The following TNRC6C variants were observed in gnomAD, a reference collection of about 807,000 sequenced individuals.
TNRC6C encodes trinucleotide repeat-containing gene 6C protein.
A neutral mutation model predicts 153.7 loss-of-function variants in TNRC6C; 20 were observed. The ratio of observed to expected loss-of-function variants is 0.13; its 90% confidence interval spans 0.09 to 0.19. TNRC6C has a LOEUF of 0.19. Ranked by LOEUF, TNRC6C falls within the 10% of genes least tolerant of loss-of-function variation. The pLI is 1.00. For synonymous variants in TNRC6C, 811 were observed against 841.4 expected (o/e 0.96, Z 0.63); for missense variants, 1,987 against 2,172.0 (o/e 0.91, Z 1.69).
At chr17:78,069,037 A>G (rs1463166528) in intron 5 of TNRC6C, among the ~76,000 whole-genome samples, 5 of 152,210 alleles carry the variant, frequency 3.3e-5, no homozygotes, top group Non-Finnish European at 7.3e-5. Context: ...ACCAAAATCT[A>G]AAAGCCATAA....
chr17:78,065,194 AT>A (rs2072849963), intron 4 of TNRC6C, among the ~76,000 whole-genome samples: 1 of 151,958 alleles, frequency 6.6e-6, no homozygotes, highest in Admixed American at 6.6e-5. Context: ...ACAAAAAAAA[AT>A]TGAAAAATTA....
chr17:78,075,111 A>G lies in TNRC6C; in HGVS notation c.2918-25A>G. 1 of 1,611,110 alleles carries G rather than the reference A, an allele frequency of 6.2e-7. No individual in the cohort carries two copies. The highest frequency in any genetic ancestry group is 8.5e-7 in the Non-Finnish European group (1 of 1,178,568). Reference sequence around the variant, plus strand: ...AGCACTCACTTGTTTTGTTTACAACATTGCTTCTGTTTGTTGTGCTCCAGG... The same window carrying G: ...AGCACTCACTTGTTTTGTTTACAACGTTGCTTCTGTTTGTTGTGCTCCAGG... On this transcript the variant is annotated intron_variant, in intron 7 of 19. Coordinates refer to ENST00000301624, the Ensembl canonical transcript of TNRC6C. The surrounding 1 kb of genome is among the most constrained non-coding windows in gnomAD (Gnocchi z 4.2).
At chr17:78,003,659 T>C (rs148718404), upstream of TNRC6C, among the ~76,000 whole-genome samples, 162 of 152,068 alleles carry the variant, frequency 1.1e-3, 2 homozygotes, top group African/African-American at 3.6e-3. Flanking sequence ...TTCAAGAAAA[T>C]AGAGAACTGA....
Position 78,104,093 on chromosome 17 carries a change from T to C in TNRC6C, c.4713-392T>C, listed in dbSNP as rs1454034629. ...ATTCCTACACAGGGCCCAGCAGTGG[T>C]CCTCACAGCCAACCCTTCACCCTAG... On this transcript the variant is annotated intron_variant, in intron 19 of 19. Transcript: ENST00000301624. This position sits in a 1 kb window ranked among gnomAD's most constrained non-coding sequence, Gnocchi z 6.2. Among the ~76,000 whole-genome samples the C allele has an allele frequency of 6.6e-6, 1 of 152,184 alleles. No individual in the cohort carries two copies. The highest frequency in any genetic ancestry group is 6.5e-5 in the Admixed American group (1 of 15,280).
intron 1 of TNRC6C, among the ~76,000 whole-genome samples, chr17:78,026,494 A>G (rs773813876): frequency 3.4e-4 from 52 of 152,256 alleles, no homozygotes; most frequent in Non-Finnish European, 6.3e-4. Context: ...TGTCAGTTAT[A>G]ATATGCATCC....
intron 1 of TNRC6C, among the ~76,000 whole-genome samples, chr17:78,014,073 T>G (rs181071665): frequency 1.6e-4 from 24 of 152,340 alleles, no homozygotes; most frequent in African/African-American, 4.6e-4. Context: ...TCTGCACTTT[T>G]GGAGAGAAAA....
chr17:78,022,960 T>C (rs2071864809), intron 1 of TNRC6C, among the ~76,000 whole-genome samples: 1 of 152,160 alleles, frequency 6.6e-6, no homozygotes, highest in Admixed American at 6.5e-5. Flanking sequence ...GTAAATTACA[T>C]TAGGTATTAT....
At chr17:78,103,359 G>A in intron 18 of TNRC6C, 55 bp from the exon 22 acceptor site, 1 of 1,600,484 alleles carries the variant, frequency 6.2e-7, no homozygotes, top group Non-Finnish European at 8.5e-7. Flanking sequence ...TTGGAAGGCT[G>A]TAGTGAAAGA....
intron 5 of TNRC6C, 101 bp from the exon 8 acceptor site, chr17:78,070,984 T>C: frequency 8.6e-7 from 1 of 1,163,552 alleles, no homozygotes; most frequent in Non-Finnish European, 1.2e-6. Flanking sequence ...AAAGATCCTG[T>C]GACTTTTAAA....
At chr17:77,978,907 A>T (rs142841142) in intron 1 of TNRC6C, among the ~76,000 whole-genome samples, 26 of 152,312 alleles carry the variant, frequency 1.7e-4, no homozygotes, top group African/African-American at 6.0e-4. Flanking sequence ...TTGCTCTTAA[A>T]TGCTTGTCAG....
intron 1 of TNRC6C, among the ~76,000 whole-genome samples, chr17:77,989,807 A>G (rs558449527): frequency 2.0e-5 from 3 of 152,278 alleles, no homozygotes; most frequent in Middle Eastern, 3.4e-3. Flanking sequence ...TGATCTTTAT[A>G]TGCTGTTGTT....
upstream of TNRC6C, among the ~76,000 whole-genome samples, chr17:78,001,202 T>G (rs1245402507): frequency 6.6e-6 from 1 of 152,182 alleles, no homozygotes; most frequent in African/African-American, 2.4e-5. Context: ...TTAAAAAATG[T>G]TTTCTTCCTA....
chr17:78,020,601 A>AAGCCACAAATGTG (rs2071813432), intron 1 of TNRC6C, among the ~76,000 whole-genome samples: 1 of 152,252 alleles, frequency 6.6e-6, no homozygotes. Flanking sequence ...GAAATAATGG[A>AAGCCACAAATGTG]AGCCACAAAT....
intron 1 of TNRC6C, among the ~76,000 whole-genome samples, chr17:77,959,718 C>A (rs577316473): frequency 1.9e-4 from 29 of 152,090 alleles, no homozygotes; most frequent in African/African-American, 7.0e-4. Context: ...GGAGAAGGAC[C>A]CCTGGGCGCT....
intron 18 of TNRC6C, 78 bp from the exon 22 acceptor site, chr17:78,103,336 A>T: frequency 6.5e-7 from 1 of 1,547,390 alleles, no homozygotes. Context: ...ATCCAATTTC[A>T]TACGTTTTTT....
intron 2 of TNRC6C, among the ~76,000 whole-genome samples, chr17:78,047,634 C>A (rs528962384): frequency 6.6e-6 from 1 of 152,058 alleles, no homozygotes; most frequent in South Asian, 2.1e-4. Context: ...ATTGTCCATA[C>A]GATTTTTCTT....
At chr17:77,993,928 C>T (rs2071289343) in intron 1 of TNRC6C, among the ~76,000 whole-genome samples, 1 of 152,018 alleles carries the variant, frequency 6.6e-6, no homozygotes, top group African/African-American at 2.4e-5. Context: ...CACCGTGTCT[C>T]CCGCCTGAAA....
chr17:78,104,674 C>T lies in TNRC6C; in HGVS notation c.4902C>T (p.Asn1634=), dbSNP rs768577790. 36 of 1,542,420 alleles carry T rather than the reference C, an allele frequency of 2.3e-5. No homozygotes were observed. Among genetic ancestry groups the T allele is most frequent in the Non-Finnish European group, 2.8e-5 (32 of 1,146,250 alleles). Residue 1634 remains asparagine, a synonymous_variant, in exon 20 of 20, where the codon AAC becomes AAT. Coordinates refer to ENST00000301624, the Ensembl canonical transcript of TNRC6C. The surrounding 1 kb of genome is among the most constrained non-coding windows in gnomAD (Gnocchi z 6.2). ...TACGCAGCGACGCTGGCCACTGGAA[C>T]GCCCCGTGCCTGGGTGGCAAGGGGA...
intron 3 of TNRC6C, among the ~76,000 whole-genome samples, chr17:78,052,572 C>T (rs1364876651): frequency 6.6e-6 from 1 of 152,198 alleles, no homozygotes; most frequent in Non-Finnish European, 1.5e-5. Flanking sequence ...GCGGGGGCCA[C>T]TGGAGTTGGG....
Sources: allele counts gnomAD v4.1 joint callset (sites outside exome capture counted in the v4.1 genomes callset), GRCh38; gene constraint gnomAD v4.1.1; non-coding constraint Gnocchi (gnomAD v3.1); transcripts MANE v1.5; gene names NCBI Gene and HGNC (gene_info 2026-07-23, HGNC 2026-07-21).